The following TET2 variants were observed in gnomAD, a reference collection of about 807,000 sequenced individuals.
TET2 encodes tet methylcytosine dioxygenase 2, also known as methylcytosine dioxygenase TET2.
In TET2, 299 loss-of-function variants were observed where a neutral mutation model predicts 142.9. That is an observed-to-expected ratio of 2.09 (90% CI 1.90 to 2.30). TET2 has a LOEUF of 2.30. Among genes scored for constraint, TET2 ranks in the 30% most tolerant of loss-of-function variants. TET2 has a pLI of 0.00. For synonymous variants in TET2, 819 were observed against 849.0 expected, an observed-to-expected ratio of 0.96 and a Z score of 0.61; for missense variants, 2,418 against 2,378.0, an observed-to-expected ratio of 1.02 and a Z score of -0.35.
At chr4:105,166,422 A>G (rs1032577306) in intron 1 of TET2, among the ~76,000 whole-genome samples, 19 of 151,704 alleles carry the variant, frequency 1.3e-4, no homozygotes, top group African/African-American at 4.6e-4. Context: ...TCATATCACA[A>G]TTTTTTTTCA....
At chr4:105,200,268 T>C (rs561879538) in intron 2 of TET2, among the ~76,000 whole-genome samples, 42 of 152,328 alleles carry the variant, frequency 2.8e-4, no homozygotes, top group African/African-American at 9.9e-4. Context: ...ATTGTGGTTT[T>C]GATTTGCATT....
chr4:105,248,972 T>TAA (rs954830462), intron 6 of TET2, among the ~76,000 whole-genome samples: 1 of 144,910 alleles, frequency 6.9e-6, no homozygotes, highest in Admixed American at 6.9e-5. Flanking sequence ...TTCATTTTAT[T>TAA]AAAAAAAAAA....
At chr4:105,217,142 A>G (rs962767495) in intron 2 of TET2, among the ~76,000 whole-genome samples, 1 of 151,986 alleles carries the variant, frequency 6.6e-6, no homozygotes, top group Non-Finnish European at 1.5e-5. Flanking sequence ...ATATCCTATG[A>G]ACAGACCTTT....
Position 105,275,733 on chromosome 4 carries a change from A to C in TET2, c.5223A>C (p.Pro1741=). The part of the protein sequence containing the change: ...GHFMGATSRL[P]PNLSNPNMDY... Reference sequence around the variant, plus strand: ...TCATGGGAGCCACCTCTAGATTACCACCCAATCTGAGCAATCCAAACATGG... The same window carrying C: ...TCATGGGAGCCACCTCTAGATTACCCCCCAATCTGAGCAATCCAAACATGG... The change falls in exon 11 of 11, where the codon CCA becomes CCC. Residue 1741 remains proline, a synonymous_variant. Coordinates refer to ENST00000380013, the MANE Select transcript of TET2 (RefSeq NM_001127208.3). 6.4e-7 allele frequency: 1 copy of C among 1,551,706 alleles called. No individual in the cohort carries two copies. Among genetic ancestry groups the C allele is most frequent in the South Asian group, 1.2e-5 (1 of 84,052 alleles).
chr4:105,275,974 G>T lies in TET2; in HGVS notation c.5464G>T (p.Ala1822Ser). 6.4e-7 allele frequency: 1 copy of T among 1,551,760 alleles called. No homozygotes were observed. The highest frequency in any genetic ancestry group is 8.7e-7 in the Non-Finnish European group (1 of 1,146,994). The part of the protein sequence containing the change: ...VQGGLHKLSD[A>S]NGQEKQPLAL... ...AGGAGGCTTACACAAATTAAGTGAT[G>T]CTAATGGTCAGGAAAAGCAGCCATT... is the stretch of plus-strand genomic sequence containing the variant. Residue 1822 changes from alanine to serine, a missense_variant, in exon 11 of 11, where the codon GCT becomes TCT. By Grantham distance (99) the Ala-to-Ser change is moderately conservative. Coordinates refer to ENST00000380013, the MANE Select transcript of TET2 (RefSeq NM_001127208.3).
At chr4:105,267,540 A>T (rs1192373749) in intron 8 of TET2, among the ~76,000 whole-genome samples, 3 of 26,114 alleles carry the variant, frequency 1.1e-4, no homozygotes, top group African/African-American at 3.3e-4. Context: ...TTAAACCACT[A>T]AAAAAAAAAA....
rs35752514 is a variant in TET2 at position 105,214,471 on chromosome 4, A to ATT, written c.-46-19404_-46-19403dup. ...ACAGGCACATGCCACCACACCTGGC[A>ATT]TTTTTTTTTTTTTTTTTTTTTTTGT... is the stretch of plus-strand genomic sequence containing the variant. On this transcript the variant is annotated intron_variant, in intron 2 of 10. Coordinates refer to ENST00000380013, the MANE Select transcript of TET2 (RefSeq NM_001127208.3). 1.9e-3 allele frequency among the ~76,000 whole-genome samples: 173 copies of ATT among 92,096 alleles called. 3 individuals carry two copies. Among genetic ancestry groups the ATT allele is most frequent in the South Asian group, 9.7e-3 (27 of 2,774 alleles). 60.4% of individuals were successfully genotyped at this position (92,096 alleles called of 152,430 possible). A position where few individuals can be genotyped will look rare whatever the true frequency, so the allele number is the denominator to read the frequency against.
chr4:105,178,580 A>G (rs1178953184), intron 1 of TET2, among the ~76,000 whole-genome samples: 2 of 152,174 alleles, frequency 1.3e-5, no homozygotes, highest in Non-Finnish European at 2.9e-5. Context: ...TGGGTATCAA[A>G]ATGCATCAAT....
At chr4:105,180,615 C>A (rs1011904796) in intron 1 of TET2, among the ~76,000 whole-genome samples, 9 of 151,596 alleles carry the variant, frequency 5.9e-5, no homozygotes, top group Non-Finnish European at 1.3e-4. Flanking sequence ...CAGTATTTCA[C>A]GTTCTAATTG....
Position 105,168,222 on chromosome 4 carries a change from C to T in TET2, c.-193+21243C>T, listed in dbSNP as rs141009396. ...CCTCTGCTTAAAACCATTAATGGGTCTCTGTTTCACTCAGAATATAAGCCA... is the reference window on the plus strand; with the variant it reads ...CCTCTGCTTAAAACCATTAATGGGTTTCTGTTTCACTCAGAATATAAGCCA... On this transcript the variant is annotated intron_variant, in intron 1 of 10. Transcript: ENST00000380013. 7.4e-3 allele frequency among the ~76,000 whole-genome samples: 1,134 copies of T among 152,230 alleles called. 6 individuals carry two copies. Among genetic ancestry groups the T allele is most frequent in the Non-Finnish European group, 0.012 (829 of 68,004 alleles).
rs558709410 is a variant in TET2 at position 105,157,802 on chromosome 4, G to A, written c.-193+10823G>A. 7.2e-5 allele frequency among the ~76,000 whole-genome samples: 11 copies of A among 152,052 alleles called. No homozygotes were observed. The East Asian group carries it at 1.4e-3, about 19-fold the overall frequency. On this transcript the variant is annotated intron_variant, in intron 1 of 10. Transcript: ENST00000380013. ...AGCGATTCTCCTGTCTCAGCCTCCC[G>A]AGTAGCTGGGATTATAGGCACCAGC...
chr4:105,222,414 G>A (rs968790315), intron 2 of TET2, among the ~76,000 whole-genome samples: 2 of 152,212 alleles, frequency 1.3e-5, no homozygotes, highest in African/African-American at 2.4e-5. Context: ...ATTCTAACTG[G>A]TGTGAGATGA....
At chr4:105,219,491 T>TA (rs1214861407) in intron 2 of TET2, among the ~76,000 whole-genome samples, 1 of 152,136 alleles carries the variant, frequency 6.6e-6, no homozygotes, top group East Asian at 1.9e-4. Context: ...ATGCTTGTGT[T>TA]ACAAGGATTC....
chr4:105,275,303 A>G lies in TET2; in HGVS notation c.4793A>G (p.Tyr1598Cys), dbSNP rs1441761527. 39 of 1,551,990 alleles carry G rather than the reference A, an allele frequency of 2.5e-5. No individual in the cohort carries two copies. The highest frequency in any genetic ancestry group is 1.9e-4 in the African/African-American group (14 of 73,064). ...IYGSTSPMNF[Y>C]STSSQAAGSY... ...GGAAGCACCAGCCCTATGAACTTCTATTCCACCTCATCTCAAGCTGCAGGT... is the reference window on the plus strand; with the variant it reads ...GGAAGCACCAGCCCTATGAACTTCTGTTCCACCTCATCTCAAGCTGCAGGT... Residue 1598 changes from tyrosine (Y) to cysteine (C), a missense_variant, in exon 11 of 11, where the codon TAT becomes TGT. Coordinates refer to ENST00000380013, the MANE Select transcript of TET2 (RefSeq NM_001127208.3).
At chr4:105,178,044 T>TGCC (rs1312346570) in intron 1 of TET2, 1 of 151,960 alleles carries the variant, frequency 6.6e-6, no homozygotes, top group Admixed American at 6.6e-5. Flanking sequence ...GCTGAGATCA[T>TGCC]GCCATTGCAC....
At chr4:105,260,529 C>T (rs1730374278) in intron 7 of TET2, among the ~76,000 whole-genome samples, 2 of 151,986 alleles carry the variant, frequency 1.3e-5, no homozygotes, top group African/African-American at 4.8e-5. Context: ...GAGAAAACCT[C>T]AGTATATTTA....
At position 105,200,033 on chromosome 4, in the gene TET2, A is replaced by AT. The variant is rs943886993; in HGVS notation, c.-47+9537dup. On this transcript the variant is annotated intron_variant, in intron 2 of 10. Transcript: ENST00000380013. ...GTGCATGTGTCTTTATAATAGAATA[A>AT]TTTTTTTTTCCTTTGGTATATACCC... is the stretch of plus-strand genomic sequence containing the variant. Among the ~76,000 whole-genome samples, 13 of 151,344 alleles carry AT rather than the reference A, an allele frequency of 8.6e-5. No individual in the cohort carries two copies. In the East Asian group the frequency reaches 1.4e-3, roughly 16 times the overall value.
intron 2 of TET2, among the ~76,000 whole-genome samples, chr4:105,194,919 T>C (rs1218362868): frequency 6.6e-6 from 1 of 152,160 alleles, no homozygotes; most frequent in Admixed American, 6.6e-5. Context: ...ACATGGTGTC[T>C]TGCATATATA....
chr4:105,210,782 A>G (rs972800919), intron 2 of TET2, among the ~76,000 whole-genome samples: 18 of 151,930 alleles, frequency 1.2e-4, no homozygotes, highest in African/African-American at 4.4e-4. Context: ...AAATTTATCC[A>G]TTTCTCTGCC....
Sources: allele counts gnomAD v4.1 joint callset (sites outside exome capture counted in the v4.1 genomes callset), GRCh38; gene constraint gnomAD v4.1.1; transcripts MANE v1.5; gene names NCBI Gene and HGNC (gene_info 2026-07-23, HGNC 2026-07-21).